SUSD2: variants seen among roughly 807,000 people sequenced by gnomAD.
SUSD2 encodes the protein sushi domain containing 2.
A neutral mutation model predicts 93.8 loss-of-function variants in SUSD2; 86 were observed. The observed-to-expected ratio is 0.92, with a 90% confidence interval of 0.77 to 1.10. The LOEUF (loss-of-function observed/expected upper bound fraction) is 1.10, where lower values mean the gene tolerates loss of function less well. Among genes scored for constraint, SUSD2 ranks in the 50% least tolerant of loss-of-function variants. SUSD2 has a pLI of 0.00. For missense variants in SUSD2, 1,060 were observed against 1,137.0 expected, an observed-to-expected ratio of 0.93 and a Z score of 0.97; for synonymous variants, 483 against 485.0, an observed-to-expected ratio of 1.00 and a Z score of 0.05.
rs2047385230 is a variant in SUSD2, at chr22:24,188,357, C to A, written c.2444+30C>A. 1 of 1,610,526 alleles carries A rather than the reference C, an allele frequency of 6.2e-7. No individual in the cohort carries two copies. Among genetic ancestry groups the A allele is most frequent in the African/African-American group, 1.3e-5 (1 of 74,986 alleles). On this transcript the variant is annotated intron_variant, in intron 14 of 14. Transcript: ENST00000358321. The surrounding 1 kb of genome is among the most constrained non-coding windows in gnomAD (Gnocchi z 4.7). ...GACCCCCCAGCCCCTCTCCCAAGAC[C>A]CCGAGACAGCCGGTGGGACCACCGA...
rs540942282 is a variant in SUSD2 at position 24,187,288 on chromosome 22, T to C, written c.1729T>C (p.Phe577Leu). 6.2e-7 allele frequency: 1 copy of C among 1,614,062 alleles called. No homozygotes were observed. The highest frequency in any genetic ancestry group is 8.5e-7 in the Non-Finnish European group (1 of 1,180,012). The stretch of plus-strand genomic sequence containing the variant: ...CCTGGAGGTCAGCGTGCAGGGCCCG[T>C]TCCTGAGTGTGTCCGTCCTGCTGCC... ...AGLEVSVQGP[F>L]LSVSVLLPEK... The change falls in exon 11 of 15, where the codon TTC (phenylalanine) becomes CTC (leucine). Residue 577 changes from phenylalanine (F) to leucine (L), a missense_variant. This residue lies in a region of SUSD2 where 973 missense variants were observed against 1,005.3 expected (regional missense o/e 0.97). Coordinates refer to ENST00000358321, the MANE Select transcript of SUSD2 (RefSeq NM_019601.4).
chr22:24,188,228 G>C lies in SUSD2; in HGVS notation c.2345G>C (p.Arg782Pro), dbSNP rs1015288858. The C allele has an allele frequency of 6.3e-7, 1 of 1,593,760 alleles. No homozygotes were observed. Among genetic ancestry groups the C allele is most frequent in the African/African-American group, 1.3e-5 (1 of 74,748 alleles). Residue 782 changes from arginine (R) to proline (P), a missense_variant, in exon 14 of 15, where the codon CGC (arginine) becomes CCC (proline). This residue lies in a region of SUSD2 where 973 missense variants were observed against 1,005.3 expected (regional missense o/e 0.97). Coordinates refer to ENST00000358321, the MANE Select transcript of SUSD2 (RefSeq NM_019601.4). This position sits in a 1 kb window ranked among gnomAD's most constrained non-coding sequence, Gnocchi z 4.7. Reference protein sequence around the residue: ...SSPTPKCQPGRSYAVLLGIIF... With the variant: ...SSPTPKCQPGPSYAVLLGIIF... ...CTGACACTCGCTCCCTCACCAGGAC[G>C]CAGCTACGCGGTGCTGTTGGGCATC...
chr22:24,184,393 G>A (rs143280669), intron 4 of SUSD2, 90 bp downstream of exon 4: 423 of 1,385,462 alleles, frequency 3.1e-4, no homozygotes, highest in Non-Finnish European at 3.3e-4. Flanking sequence ...AGGAGGAAGG[G>A]AGTTTCCAGG....
At position 24,186,528 on chromosome 22, in the gene SUSD2, G is replaced by T; in HGVS notation, c.1642+113G>T. ...ATGCCTCTCCCAGTCCTGGCTAGAG[G>T]CCTGGGTGGTCCGACCTCAGGCCTT... On this transcript the variant is annotated intron_variant, in intron 10 of 14. Transcript: ENST00000358321. The T allele has an allele frequency of 2.9e-6, 4 of 1,365,210 alleles. 1 individual carries two copies. The South Asian group carries it at 4.3e-5, about 15-fold the overall frequency. The allele number at this position is 1,365,210 out of a possible 1,614,324, so 84.6% of individuals were successfully genotyped here.
intron 6 of SUSD2, 39 bp downstream of exon 6, chr22:24,185,334 G>C (rs771334027): frequency 1.9e-6 from 3 of 1,588,848 alleles, no homozygotes; most frequent in Non-Finnish European, 2.6e-6. Flanking sequence ...GGGATGAGGG[G>C]TTAGCCTCCC....
At position 24,187,778 on chromosome 22, in the gene SUSD2, G is replaced by A. The variant is rs2047380075; in HGVS notation, c.2099G>A (p.Ser700Asn). ...GATGTGGCAGCCACTGGGAGCCTGA[G>A]CACGGGCACTGCCACTCGGGTGGCC... is the stretch of plus-strand genomic sequence containing the variant. ...NFDVAATGSL[S>N]TGTATRVAHQ... The change falls in exon 12 of 15, where the codon AGC (serine) becomes AAC (asparagine). Residue 700 changes from serine to asparagine, a missense_variant. Physicochemically the swap from Ser to Asn is conservative, Grantham distance 46. This residue lies in a region of SUSD2 where 973 missense variants were observed against 1,005.3 expected (regional missense o/e 0.97). Coordinates refer to ENST00000358321, the MANE Select transcript of SUSD2 (RefSeq NM_019601.4). 1 of 1,613,610 alleles carries A rather than the reference G, an allele frequency of 6.2e-7. No individual in the cohort carries two copies.
intron 1 of SUSD2, chr22:24,182,492 A>G (rs1196917416): frequency 1.3e-5 from 2 of 155,730 alleles, no homozygotes; most frequent in African/African-American, 4.8e-5. Flanking sequence ...TGGGGTCTCA[A>G]TTGCAGCCCC....
Position 24,186,314 on chromosome 22 carries a change from A to T in SUSD2, c.1541A>T (p.Asp514Val), listed in dbSNP as rs144780902. The change falls in exon 10 of 15, where the codon GAT (aspartate) becomes GTT (valine). Residue 514 changes from aspartate (D) to valine (V), a missense_variant. By Grantham distance (152) the Asp-to-Val change is radical. Transcript: ENST00000358321. ...GTGGCCGTCCAGGAGGGCAACTCAG[A>T]TGTGGTGGAAGTCAGGCTGGCCAAC... ...TAVAVQEGNS[D>V]VVEVRLANRT... 97 of 1,613,818 alleles carry T rather than the reference A, an allele frequency of 6.0e-5. No individual in the cohort carries two copies. Among genetic ancestry groups the T allele is most frequent in the Non-Finnish European group, 7.8e-5 (92 of 1,180,040 alleles).
Position 24,188,356 on chromosome 22 carries a change from C to A in SUSD2, c.2444+29C>A, listed in dbSNP as rs773617388. 21 of 1,610,470 alleles carry A rather than the reference C, an allele frequency of 1.3e-5. No homozygotes were observed. The highest frequency in any genetic ancestry group is 1.7e-5 in the Non-Finnish European group (20 of 1,179,554). On this transcript the variant is annotated intron_variant, in intron 14 of 14. Transcript: ENST00000358321. This position sits in a 1 kb window ranked among gnomAD's most constrained non-coding sequence, Gnocchi z 4.7. ...AGACCCCCCAGCCCCTCTCCCAAGA[C>A]CCCGAGACAGCCGGTGGGACCACCG...
Position 24,183,529 on chromosome 22 carries a change from G to C in SUSD2, c.322G>C (p.Asp108His). 2 of 1,613,144 alleles carry C rather than the reference G, an allele frequency of 1.2e-6. No individual in the cohort carries two copies. The highest frequency in any genetic ancestry group is 3.3e-4 in the Middle Eastern group (2 of 6,060). ...KDSIQTLGHV[D>H]SSGQVHCVSP... ...CAGCATCCAGACCCTCGGCCATGTG[G>C]ACTCCTCCGGGCAAGTGCACTGTGT... The change falls in exon 3 of 15, where the codon GAC becomes CAC. Residue 108 changes from aspartate to histidine, a missense_variant. Coordinates refer to ENST00000358321, the MANE Select transcript of SUSD2 (RefSeq NM_019601.4).
chr22:24,182,241 C>T (rs1046720369), intron 1 of SUSD2, among the ~76,000 whole-genome samples: 28 of 152,214 alleles, frequency 1.8e-4, no homozygotes, highest in Non-Finnish European at 3.1e-4. Context: ...AGCCTGGGTG[C>T]ATGCACCTGC....
At chr22:24,184,354 G>A (rs111311684) in intron 4 of SUSD2, 51 bp downstream of exon 4, 30,630 of 1,579,222 alleles carry the variant, frequency 0.019, 390 homozygotes, top group African/African-American at 0.047. Flanking sequence ...GCCCCCAGAG[G>A]GGGAGAAAGG....
rs1601343389 is a variant in SUSD2 at position 24,188,140 on chromosome 22, G to A, written c.2341+5G>A. The A allele has an allele frequency of 1.9e-6, 3 of 1,611,492 alleles. No individual in the cohort carries two copies. Among genetic ancestry groups the A allele is most frequent in the Admixed American group, 1.7e-5 (1 of 59,922 alleles). On this transcript the variant is annotated splice_donor_5th_base_variant and intron_variant, in intron 13 of 14. Transcript: ENST00000358321. The surrounding 1 kb of genome is among the most constrained non-coding windows in gnomAD (Gnocchi z 4.7). Reference sequence around the variant, plus strand: ...CCACCCCGAAGTGCCAGCCAGGTGAGGACACTCTGCTCATACACCTGCCTG... The same window carrying A: ...CCACCCCGAAGTGCCAGCCAGGTGAAGACACTCTGCTCATACACCTGCCTG...
At chr22:24,184,392 G>A in intron 4 of SUSD2, 89 bp downstream of exon 4, 1 of 1,384,304 alleles carries the variant, frequency 7.2e-7, no homozygotes, top group South Asian at 1.3e-5. Context: ...GAGGAGGAAG[G>A]GAGTTTCCAG....
chr22:24,181,898 G>T (rs2047328055), intron 1 of SUSD2, among the ~76,000 whole-genome samples: 1 of 152,198 alleles, frequency 6.6e-6, no homozygotes, highest in African/African-American at 2.4e-5. Context: ...AGCCAGGATT[G>T]TGGGTCCTCA....
chr22:24,188,379 C>T lies in SUSD2; in HGVS notation c.2445-33C>T. ...GACCCCGAGACAGCCGGTGGGACCA[C>T]CGAGGCTACTTCTAACTGCGTTTCT... On this transcript the variant is annotated intron_variant, in intron 14 of 14. Coordinates refer to ENST00000358321, the MANE Select transcript of SUSD2 (RefSeq NM_019601.4). The surrounding 1 kb of genome is among the most constrained non-coding windows in gnomAD (Gnocchi z 4.7). The T allele has an allele frequency of 1.9e-6, 3 of 1,611,338 alleles. No individual in the cohort carries two copies. Among genetic ancestry groups the T allele is most frequent in the Non-Finnish European group, 2.5e-6 (3 of 1,179,794 alleles).
In SUSD2 at chr22:24,184,919, G is replaced by A. The variant is rs1255664260; in HGVS notation, c.761G>A (p.Ser254Asn). ...WRVGALRIID[S>N]KNYAGQKDVQ... is the part of the protein sequence containing the mutation. ...GTGGGTGCACTTCGGATCATCGACA[G>A]CAAAAATTACGCAGGGCAGAAGTAA... Residue 254 changes from serine to asparagine, a missense_variant, in exon 5 of 15, where the codon AGC (serine) becomes AAC (asparagine). Around this residue, in one of 2 missense-constraint regions of SUSD2, gnomAD observed 973 missense variants for 1,005.3 expected, o/e 0.97. Coordinates refer to ENST00000358321, the MANE Select transcript of SUSD2 (RefSeq NM_019601.4). 1.2e-6 allele frequency: 2 copies of A among 1,613,358 alleles called. No homozygotes were observed. The highest frequency in any genetic ancestry group is 1.3e-5 in the African/African-American group (1 of 74,860).
At chr22:24,182,888 C>T (rs915602465) in intron 1 of SUSD2, 169 bp from the exon 2 acceptor site, 2 of 606,628 alleles carry the variant, frequency 3.3e-6, no homozygotes, top group African/African-American at 1.9e-5. Context: ...TCCCCACGGG[C>T]CCTGTGGCTT....
At chr22:24,182,352 C>G (rs2047330428) in intron 1 of SUSD2, among the ~76,000 whole-genome samples, 1 of 152,214 alleles carries the variant, frequency 6.6e-6, no homozygotes, top group South Asian at 2.1e-4. Flanking sequence ...GCCCGGCGCC[C>G]ACAGCCCCTT....
Sources: allele counts gnomAD v4.1 joint callset (sites outside exome capture counted in the v4.1 genomes callset), GRCh38; gene constraint gnomAD v4.1.1; regional missense constraint gnomAD v4.1.1; non-coding constraint Gnocchi (gnomAD v3.1); transcripts MANE v1.5; gene names NCBI Gene and HGNC (gene_info 2026-07-23, HGNC 2026-07-21).